Variants in CACNA2D1 observed in about 807,000 individuals in gnomAD.
The protein encoded by CACNA2D1 is voltage-dependent calcium channel subunit alpha-2/delta-1.
Under a neutral mutation model 171.5 loss-of-function variants are expected in CACNA2D1, and 53 were observed. The ratio of observed to expected loss-of-function variants is 0.31; its 90% confidence interval spans 0.25 to 0.39. The LOEUF is 0.39. CACNA2D1 is among the 10% of genes least tolerant of loss of function. The pLI, the probability that CACNA2D1 is intolerant of heterozygous loss-of-function variation, is 1.00. For missense variants in CACNA2D1, 903 were observed against 1,299.8 expected (o/e 0.69, Z 4.69); for synonymous variants, 442 against 443.1 (o/e 1.00, Z 0.03).
intron 4 of CACNA2D1, among the ~76,000 whole-genome samples, chr7:82,166,868 G>T (rs1384708763): frequency 6.6e-6 from 1 of 152,066 alleles, no homozygotes; most frequent in Non-Finnish European, 1.5e-5. Flanking sequence ...ATTGAATGGA[G>T]CTGAGAGAGA....
At chr7:82,014,932 G>A (rs1405140416) in intron 12 of CACNA2D1, among the ~76,000 whole-genome samples, 1 of 152,118 alleles carries the variant, frequency 6.6e-6, no homozygotes, top group Non-Finnish European at 1.5e-5. Flanking sequence ...GTGGGTGCCT[G>A]TAATCCCAGC....
chr7:82,214,863 T>C (rs1360303139), intron 3 of CACNA2D1, among the ~76,000 whole-genome samples: 2 of 152,322 alleles, frequency 1.3e-5, no homozygotes, highest in Middle Eastern at 3.4e-3. Flanking sequence ...CTAAATAATA[T>C]AATTCATCAT....
intron 3 of CACNA2D1, among the ~76,000 whole-genome samples, chr7:82,212,945 G>C (rs1392822379): frequency 6.6e-6 from 1 of 151,704 alleles, no homozygotes; most frequent in Non-Finnish European, 1.5e-5. Context: ...CTGTCACCCA[G>C]GCTGGAGTGC....
intron 1 of CACNA2D1, among the ~76,000 whole-genome samples, chr7:82,401,979 G>GTT (rs1265621485): frequency 1.3e-5 from 2 of 152,190 alleles, no homozygotes; most frequent in Admixed American, 1.3e-4. Flanking sequence ...GGTAGACAGG[G>GTT]TTTAGTTTCT....
At chr7:82,087,624 T>A (rs1810632602) in intron 6 of CACNA2D1, among the ~76,000 whole-genome samples, 1 of 151,246 alleles carries the variant, frequency 6.6e-6, no homozygotes, top group Non-Finnish European at 1.5e-5. Context: ...GAAGAATGAA[T>A]ACTATTTTAG....
chr7:82,277,924 T>G (rs917075827), intron 3 of CACNA2D1, among the ~76,000 whole-genome samples: 14 of 151,936 alleles, frequency 9.2e-5, no homozygotes, highest in Admixed American at 7.2e-4. Flanking sequence ...TTTTGTATTT[T>G]TAGTACAGAG....
intron 18 of CACNA2D1, among the ~76,000 whole-genome samples, chr7:82,004,245 C>T (rs1798902129): frequency 6.6e-6 from 1 of 151,926 alleles, no homozygotes; most frequent in African/African-American, 2.4e-5. Context: ...ACAGGATATG[C>T]TTTTAAAGAG....
chr7:82,408,368 G>A (rs1272776864), intron 1 of CACNA2D1, among the ~76,000 whole-genome samples: 1 of 151,984 alleles, frequency 6.6e-6, no homozygotes, highest in Non-Finnish European at 1.5e-5. Flanking sequence ...CTTTACACAA[G>A]GCAGCACAGC....
At chr7:81,975,670 C>T (rs947540562) in intron 24 of CACNA2D1, among the ~76,000 whole-genome samples, 20 of 151,988 alleles carry the variant, frequency 1.3e-4, no homozygotes, top group South Asian at 6.2e-4. Context: ...TTTAAGCATC[C>T]GTGATTTTGT....
At chr7:82,344,501 T>C (rs1435488869) in intron 2 of CACNA2D1, among the ~76,000 whole-genome samples, 1 of 152,044 alleles carries the variant, frequency 6.6e-6, no homozygotes, top group Non-Finnish European at 1.5e-5. Flanking sequence ...GTTGAGAAAA[T>C]ATTGAAAGTC....
intron 3 of CACNA2D1, among the ~76,000 whole-genome samples, chr7:82,218,155 C>T (rs1801367930): frequency 6.6e-6 from 1 of 152,062 alleles, no homozygotes; most frequent in African/African-American, 2.4e-5. Context: ...AGGATGGTCT[C>T]GATCTCCTGA....
chr7:82,026,636 T>C (rs2131083671), intron 12 of CACNA2D1, among the ~76,000 whole-genome samples: 1 of 151,834 alleles, frequency 6.6e-6, no homozygotes, highest in Middle Eastern at 3.4e-3. Flanking sequence ...AATAAACAAT[T>C]ATCTTTGTTA....
At chr7:82,054,567 C>T (rs919321272) in intron 10 of CACNA2D1, among the ~76,000 whole-genome samples, 2 of 152,184 alleles carry the variant, frequency 1.3e-5, no homozygotes, top group African/African-American at 4.8e-5. Flanking sequence ...TTCTCTAAGT[C>T]TTTCCTAGAG....
chr7:82,383,277 G>A (rs1823912997), intron 1 of CACNA2D1, among the ~76,000 whole-genome samples: 1 of 152,172 alleles, frequency 6.6e-6, no homozygotes, highest in African/African-American at 2.4e-5. Context: ...AACTGGCCCT[G>A]AGGCTCAACT....
chr7:82,276,157 G>A (rs1160946307), intron 3 of CACNA2D1, among the ~76,000 whole-genome samples: 1 of 152,176 alleles, frequency 6.6e-6, no homozygotes, highest in African/African-American at 2.4e-5. Context: ...ATTGCAATTA[G>A]ATAAACTTTA....
chr7:82,324,095 G>A (rs563115034), intron 3 of CACNA2D1, among the ~76,000 whole-genome samples: 183 of 152,220 alleles, frequency 1.2e-3, no homozygotes, highest in African/African-American at 4.2e-3. Context: ...GGTGGCTCAC[G>A]CCTGTAATCC....
chr7:82,072,943 A>G (rs6467883), intron 7 of CACNA2D1, among the ~76,000 whole-genome samples: 22,631 of 152,132 alleles, frequency 0.15, 1,849 homozygotes, highest in Middle Eastern at 0.26. Flanking sequence ...CACTGGAACT[A>G]TAGATTATAG....
chr7:82,088,200 G>C (rs1183004293), intron 6 of CACNA2D1, among the ~76,000 whole-genome samples: 1 of 152,066 alleles, frequency 6.6e-6, no homozygotes, highest in East Asian at 1.9e-4. Context: ...ATTATAAAGA[G>C]TTTATGTGGT....
At chr7:82,101,844 T>C (rs1448064933) in intron 6 of CACNA2D1, among the ~76,000 whole-genome samples, 3 of 152,222 alleles carry the variant, frequency 2.0e-5, no homozygotes, top group South Asian at 2.1e-4. Context: ...ACATGTTAGT[T>C]CAATTATTTT....
Sources: gnomAD v4.1 joint callset for allele counts (sites outside exome capture counted in the v4.1 genomes callset) on GRCh38, gnomAD v4.1.1 for gene constraint, MANE v1.5 for transcripts, NCBI Gene and HGNC (gene_info 2026-07-23, HGNC 2026-07-21) for gene names.